HOOK3: variants seen among roughly 807,000 people sequenced by gnomAD.
HOOK3 encodes the protein hook microtubule tethering protein 3.
A neutral mutation model predicts 116.3 loss-of-function variants in HOOK3; 24 were observed. That is an observed-to-expected ratio of 0.21 (90% CI 0.15 to 0.29). HOOK3 has a LOEUF of 0.29. HOOK3 is among the 10% of genes least tolerant of loss of function. The pLI is 1.00. For missense variants in HOOK3, 632 were observed against 830.2 expected (o/e 0.76, Z 2.93); for synonymous variants, 275 against 283.0 (o/e 0.97, Z 0.28).
rs1306416236 is a variant in HOOK3, at chr8:43,020,269, G to T, written c.*1771G>T. The T allele has an allele frequency of 7.5e-5, 15 of 200,566 alleles. No homozygotes were observed. The highest frequency in any genetic ancestry group is 1.3e-4 in the Non-Finnish European group (13 of 97,354). 12.4% of individuals were successfully genotyped at this position (200,566 alleles called of 1,614,324 possible). ...AAGCAGCAGAAGTTAGGGATAAATG[G>T]AGATAGCCATGAGTAGAACTGCTGT... On this transcript the variant is annotated 3_prime_UTR_variant, in exon 22 of 22. Transcript: ENST00000307602.
intron 1 of HOOK3, among the ~76,000 whole-genome samples, chr8:42,897,976 T>C (rs1406746446): frequency 6.6e-6 from 1 of 152,234 alleles, no homozygotes; most frequent in Non-Finnish European, 1.5e-5. Context: ...CCGCGCTGCC[T>C]TCGGGAGCCT....
intron 15 of HOOK3, among the ~76,000 whole-genome samples, chr8:42,990,745 T>C (rs1002013496): frequency 6.6e-6 from 1 of 152,170 alleles, no homozygotes; most frequent in Admixed American, 6.5e-5. Context: ...ATGGGGAGTT[T>C]GCATGTATTT....
chr8:42,938,134 C>T (rs747643387), intron 4 of HOOK3, among the ~76,000 whole-genome samples: 14 of 151,710 alleles, frequency 9.2e-5, no homozygotes, highest in African/African-American at 2.4e-4. Context: ...ATCCCTTTAC[C>T]GTTATGTAAT....
intron 6 of HOOK3, among the ~76,000 whole-genome samples, chr8:42,956,875 C>G (rs1400198293): frequency 6.6e-6 from 1 of 152,198 alleles, no homozygotes; most frequent in African/African-American, 2.4e-5. Context: ...AGCCACCGCG[C>G]CCAGCCAGCC....
intron 5 of HOOK3, 97 bp downstream of exon 5, chr8:42,943,542 A>G: frequency 3.7e-6 from 3 of 806,930 alleles, no homozygotes; most frequent in Non-Finnish European, 5.1e-6. Context: ...CAACAGTAAC[A>G]TCTGTTTAAG....
intron 15 of HOOK3, 57 bp downstream of exon 15, chr8:42,986,852 C>G: frequency 6.4e-7 from 1 of 1,558,652 alleles, no homozygotes; most frequent in Middle Eastern, 1.7e-4. Context: ...TGCCTTGATT[C>G]TGAATCCCTT....
Position 42,959,186 on chromosome 8 carries a change from GT to G in HOOK3, c.532-43del, listed in dbSNP as rs759483386. 5.6e-6 allele frequency: 7 copies of G among 1,256,744 alleles called. No individual in the cohort carries two copies. The South Asian group carries it at 7.3e-5, about 13-fold the overall frequency. 77.8% of individuals were successfully genotyped at this position (1,256,744 alleles called of 1,614,324 possible). ...GTGTTGAACATACGAATTATTAATT[GT>G]TACCACTTCATATTAAAATGTTTAT... On this transcript the variant is annotated intron_variant, in intron 7 of 21. Coordinates refer to ENST00000307602, the MANE Select transcript of HOOK3 (RefSeq NM_032410.4).
At chr8:42,917,222 C>T (rs921179087) in intron 2 of HOOK3, among the ~76,000 whole-genome samples, 1 of 152,220 alleles carries the variant, frequency 6.6e-6, no homozygotes, top group Non-Finnish European at 1.5e-5. Flanking sequence ...CAGTGCAGAG[C>T]TTCCCTTCCC....
At chr8:42,903,887 C>T (rs546826627) in intron 1 of HOOK3, among the ~76,000 whole-genome samples, 1 of 151,530 alleles carries the variant, frequency 6.6e-6, no homozygotes, top group Non-Finnish European at 1.5e-5. Context: ...ACCCGGGAGG[C>T]GGAGCTTGCA....
In HOOK3 at chr8:42,966,599, G is replaced by A; in HGVS notation, c.906G>A (p.Glu302=). 1.9e-6 allele frequency: 3 copies of A among 1,614,118 alleles called. No homozygotes were observed. The highest frequency in any genetic ancestry group is 2.5e-6 in the Non-Finnish European group (3 of 1,179,988). The part of the protein sequence containing the change: ...LADEAQSLKD[E]IDVLRHSSDK... Reference sequence around the variant, plus strand: ...ATGAAGCTCAGTCTCTGAAAGATGAGATCGACGTGCTGAGGTAAAAACCTC... The same window carrying A: ...ATGAAGCTCAGTCTCTGAAAGATGAAATCGACGTGCTGAGGTAAAAACCTC... Residue 302 remains glutamate, a synonymous_variant, in exon 10 of 22, where the codon GAG becomes GAA. Transcript: ENST00000307602.
In HOOK3 at chr8:42,997,607, T is replaced by C. The variant is rs781723961; in HGVS notation, c.1590T>C (p.Ser530=). Residue 530 remains serine, a synonymous_variant, in exon 16 of 22, where the codon TCT becomes TCC. Transcript: ENST00000307602. The part of the protein sequence containing the change: ...VQSQVEELQK[S]LQDQGSKAED... ...CACAAGTTGAAGAATTACAAAAATC[T>C]TTACAGGATCAAGGCTCAAAAGCAG... 6.2e-7 allele frequency: 1 copy of C among 1,608,722 alleles called. No individual in the cohort carries two copies. The highest frequency in any genetic ancestry group is 8.5e-7 in the Non-Finnish European group (1 of 1,175,472).
At chr8:42,990,325 CTTTTTTTTTTTTTTTTTTTTTTTTTTTT>C (rs59033055) in intron 15 of HOOK3, among the ~76,000 whole-genome samples, 1 of 37,882 alleles carries the variant, frequency 2.6e-5, no homozygotes, top group Non-Finnish European at 5.3e-5. Flanking sequence ...CTGTTTAGAT[CTTTTTTTTTTTTTTTTTTTTTTTTTTTT>C]TTTTTTTTTG....
At chr8:42,921,442 A>G (rs180945214) in intron 2 of HOOK3, among the ~76,000 whole-genome samples, 486 of 152,280 alleles carry the variant, frequency 3.2e-3, no homozygotes, top group Non-Finnish European at 4.9e-3. Context: ...ATTGATTTTT[A>G]TAACTCTTTA....
intron 15 of HOOK3, among the ~76,000 whole-genome samples, chr8:42,996,385 CAA>C (rs529268164): frequency 3.0e-3 from 167 of 55,954 alleles, no homozygotes; most frequent in African/African-American, 8.6e-3. Context: ...GACTCCGTCT[CAA>C]AAAAAAAAAA....
intron 1 of HOOK3, among the ~76,000 whole-genome samples, chr8:42,900,661 A>G (rs909811805): frequency 1.3e-5 from 2 of 152,240 alleles, no homozygotes; most frequent in Non-Finnish European, 1.5e-5. Context: ...ACTTAAAAAG[A>G]TAGTATAGCA....
chr8:42,910,817 G>A (rs1807411760), intron 2 of HOOK3, among the ~76,000 whole-genome samples: 1 of 152,156 alleles, frequency 6.6e-6, no homozygotes, highest in Non-Finnish European at 1.5e-5. Context: ...TGGTAAGTGG[G>A]GAAAACATTT....
At chr8:42,905,331 G>T (rs540941957) in intron 1 of HOOK3, among the ~76,000 whole-genome samples, 1 of 146,548 alleles carries the variant, frequency 6.8e-6, no homozygotes, top group Admixed American at 6.7e-5. Context: ...TTTTTGGGGG[G>T]GGGGGTGCCG....
chr8:42,944,522 G>A (rs1219284354), intron 5 of HOOK3, among the ~76,000 whole-genome samples: 1 of 151,502 alleles, frequency 6.6e-6, no homozygotes, highest in Non-Finnish European at 1.5e-5. Flanking sequence ...CGATAAACAG[G>A]CTTGTAAAAT....
intron 4 of HOOK3, among the ~76,000 whole-genome samples, chr8:42,939,464 G>A (rs1448076313): frequency 6.7e-6 from 1 of 149,634 alleles, no homozygotes; most frequent in African/African-American, 2.5e-5. Flanking sequence ...TTCCCAGTAG[G>A]GGCGGCCGGG....
Sources: allele counts gnomAD v4.1 joint callset (sites outside exome capture counted in the v4.1 genomes callset), GRCh38; gene constraint gnomAD v4.1.1; transcripts MANE v1.5; gene names NCBI Gene and HGNC (gene_info 2026-07-23, HGNC 2026-07-21).